NRG1: variants seen among roughly 807,000 people sequenced by gnomAD.
The protein encoded by NRG1 is neuregulin 1.
Under a neutral mutation model 63.8 loss-of-function variants are expected in NRG1, and 18 were observed. That is an observed-to-expected ratio of 0.28 (90% CI 0.19 to 0.42). The LOEUF is 0.42. NRG1 is among the 10% of genes least tolerant of loss of function. The pLI is 1.00. For synonymous variants in NRG1, 302 were observed against 301.3 expected (o/e 1.00, Z -0.02); for missense variants, 762 against 814.7 (o/e 0.94, Z 0.79).
chr8:31,900,793 A>G (rs1032199621), intron 1 of NRG1, among the ~76,000 whole-genome samples: 2 of 152,174 alleles, frequency 1.3e-5, no homozygotes, highest in Non-Finnish European at 2.9e-5. Flanking sequence ...TTCTATAGCA[A>G]TCAAGAATTT....
chr8:31,825,850 A>T (rs1452768966), intron 1 of NRG1, among the ~76,000 whole-genome samples: 1 of 152,228 alleles, frequency 6.6e-6, no homozygotes, highest in Non-Finnish European at 1.5e-5. Flanking sequence ...TCAGTCATTT[A>T]TTCAACAAAC....
At chr8:32,163,026 A>T (rs958976178) in intron 1 of NRG1, among the ~76,000 whole-genome samples, 8 of 152,218 alleles carry the variant, frequency 5.3e-5, no homozygotes, top group African/African-American at 9.6e-5. Context: ...ACCAATGTGT[A>T]TCCAATGAAC....
At chr8:31,687,111 G>A (rs4398868) in intron 1 of NRG1, among the ~76,000 whole-genome samples, 30,296 of 151,936 alleles carry the variant, frequency 0.2, 4,059 homozygotes, top group East Asian at 0.59. Flanking sequence ...ATTAGGTTTT[G>A]GTACCTTGTT....
chr8:32,362,752 T>G (rs1270202230), intron 1 of NRG1, among the ~76,000 whole-genome samples: 1 of 152,060 alleles, frequency 6.6e-6, no homozygotes, highest in African/African-American at 2.4e-5. Context: ...CTTGAAAAAA[T>G]GCAATTTATA....
intron 1 of NRG1, among the ~76,000 whole-genome samples, chr8:32,018,671 A>G (rs1046070762): frequency 4.6e-5 from 7 of 152,134 alleles, no homozygotes; most frequent in Admixed American, 1.3e-4. Context: ...TGTCATGTTG[A>G]TGGAGATATG....
chr8:31,754,886 G>A, intron 1 of NRG1, among the ~76,000 whole-genome samples: 1 of 152,146 alleles, frequency 6.6e-6, no homozygotes, highest in African/African-American at 2.4e-5. Flanking sequence ...TTGAATGTCT[G>A]CCATTTTCTA....
At chr8:31,925,714 T>A (rs1834305403) in intron 1 of NRG1, among the ~76,000 whole-genome samples, 1 of 12,878 alleles carries the variant, frequency 7.8e-5, no homozygotes, top group Non-Finnish European at 1.0e-3. Flanking sequence ...TAATTAATCT[T>A]CTTCTTCTGT....
chr8:32,752,007 A>T (rs1473050479), intron 7 of NRG1, among the ~76,000 whole-genome samples: 2 of 152,196 alleles, frequency 1.3e-5, no homozygotes, highest in Non-Finnish European at 2.9e-5. Context: ...TAAAGATAGG[A>T]TGTTAAGATG....
rs546002090 is a variant in NRG1, at chr8:31,953,658, A to G, written c.37+314227A>G. Among the ~76,000 whole-genome samples, 107 of 152,294 alleles carry G rather than the reference A, an allele frequency of 7.0e-4. No individual in the cohort carries two copies. In the Middle Eastern group the frequency reaches 0.02, roughly 29 times the overall value. ...CTTTAGTCTACTTGGCAATATATAA[A>G]TAGACTTTTGGGGTTTATTTTTAAT... On this transcript the variant is annotated intron_variant, in intron 1 of 10. Coordinates refer to the NRG1 transcript ENST00000519301.
chr8:31,985,280 G>A (rs1263422070), intron 1 of NRG1, among the ~76,000 whole-genome samples: 2 of 152,052 alleles, frequency 1.3e-5, no homozygotes, highest in Non-Finnish European at 2.9e-5. Flanking sequence ...CTAGTTCTAT[G>A]TTTGATTTCC....
intron 1 of NRG1, among the ~76,000 whole-genome samples, chr8:32,044,440 A>C (rs1399644505): frequency 1.3e-5 from 2 of 151,840 alleles, no homozygotes; most frequent in East Asian, 3.8e-4. Flanking sequence ...TGAAGGAAAA[A>C]ACCAACTGAC....
rs141421735 is a variant in NRG1, at chr8:32,310,605, T to C, written c.38-285223T>C. 3.9e-5 allele frequency among the ~76,000 whole-genome samples: 6 copies of C among 152,322 alleles called. No individual in the cohort carries two copies. In the East Asian group the frequency reaches 1.2e-3, roughly 29 times the overall value. On this transcript the variant is annotated intron_variant, in intron 1 of 10. Coordinates refer to the NRG1 transcript ENST00000519301. ...CCCTCATGTCTGGTGACTGGTTTTATAGAACCCATTCAGTGAGAATGCAGG... is the reference window on the plus strand; with the variant it reads ...CCCTCATGTCTGGTGACTGGTTTTACAGAACCCATTCAGTGAGAATGCAGG...
intron 1 of NRG1, among the ~76,000 whole-genome samples, chr8:32,332,065 C>A (rs1344559884): frequency 6.6e-6 from 1 of 151,844 alleles, no homozygotes; most frequent in Non-Finnish European, 1.5e-5. Context: ...GTGGGAAGAT[C>A]ACTTGAACCC....
intron 1 of NRG1, among the ~76,000 whole-genome samples, chr8:31,983,667 C>T (rs327368): frequency 0.13 from 19,890 of 151,964 alleles, 3,813 homozygotes; most frequent in African/African-American, 0.42. Context: ...GTGAATAACA[C>T]CTAATTCTTC....
intron 5 of NRG1, chr8:32,647,907 G>C (rs766562052): frequency 1.2e-6 from 2 of 1,614,024 alleles, no homozygotes; most frequent in Admixed American, 3.3e-5. Context: ...GTGCCTAGAA[G>C]CTGAGCGCCT....
chr8:32,152,964 C>T (rs1416036041), intron 1 of NRG1, among the ~76,000 whole-genome samples: 1 of 152,150 alleles, frequency 6.6e-6, no homozygotes. Flanking sequence ...ATACTAATAA[C>T]CACCTATAAT....
rs79277882 is a variant in NRG1, at chr8:32,614,527, T to C, written c.414T>C (p.Gly138=). 2,010 of 1,612,674 alleles carry C rather than the reference T, an allele frequency of 1.2e-3. 24 individuals are homozygous for C. In the African/African-American group the frequency reaches 0.023, roughly 19 times the overall value. The change falls in exon 4 of 12, where the codon GGT becomes GGC. Residue 138 remains glycine, a synonymous_variant. Coordinates refer to ENST00000356819, the Ensembl canonical transcript of NRG1. The stretch of plus-strand genomic sequence containing the variant: ...TTTTTTTTTCAGAGATCATCACTGG[T>C]ATGCCAGCCTCAACTGAAGGAGCAT...
chr8:32,049,425 CTTG>C (rs927801129), intron 1 of NRG1, among the ~76,000 whole-genome samples: 3 of 152,120 alleles, frequency 2.0e-5, no homozygotes, highest in Admixed American at 6.6e-5. Context: ...CCCAGAAACA[CTTG>C]TTGTTTTATT....
At chr8:31,988,552 A>G (rs974313935) in intron 1 of NRG1, among the ~76,000 whole-genome samples, 9 of 152,132 alleles carry the variant, frequency 5.9e-5, no homozygotes, top group Non-Finnish European at 1.2e-4. Context: ...TTACTCTGGT[A>G]CTGAAAACAT....
Sources: allele counts gnomAD v4.1 joint callset (sites outside exome capture counted in the v4.1 genomes callset), GRCh38; gene constraint gnomAD v4.1.1; transcripts MANE v1.5; gene names NCBI Gene and HGNC (gene_info 2026-07-23, HGNC 2026-07-21).